The following FAM168A variants were observed in gnomAD, a reference collection of about 807,000 sequenced individuals.
FAM168A encodes the protein protein FAM168A.
A neutral mutation model predicts 28.5 loss-of-function variants in FAM168A; 3 were observed. The ratio of observed to expected loss-of-function variants is 0.11; its 90% CI spans 0.05 to 0.27. The LOEUF (loss-of-function observed/expected upper bound fraction) is 0.27, where lower values mean the gene tolerates loss of function less well. Ranked by LOEUF, FAM168A falls within the 10% of genes least tolerant of loss-of-function variation. FAM168A has a pLI of 1.00. For missense variants in FAM168A, 222 were observed against 311.5 expected (o/e 0.71, Z 2.16); for synonymous variants, 122 against 124.2 (o/e 0.98, Z 0.12).
At chr11:73,571,438 GGGTTTCGC>G (rs1944088419) in intron 1 of FAM168A, among the ~76,000 whole-genome samples, 1 of 151,936 alleles carries the variant, frequency 6.6e-6, no homozygotes, top group Non-Finnish European at 1.5e-5. Context: ...GGTGGAGACG[GGGTTTCGC>G]TGTGTTGGCC....
chr11:73,513,205 A>ATTTTTTTTTTTTTTT (rs1046600591), intron 1 of FAM168A, among the ~76,000 whole-genome samples: 3 of 109,378 alleles, frequency 2.7e-5, no homozygotes, highest in Non-Finnish European at 5.5e-5. Flanking sequence ...TTTTTTTTTA[A>ATTTTTTTTTTTTTTT]TTTTTTTTTT....
intron 1 of FAM168A, among the ~76,000 whole-genome samples, chr11:73,469,363 TCAAA>T (rs1211700852): frequency 2.6e-5 from 4 of 152,226 alleles, no homozygotes; most frequent in African/African-American, 9.6e-5. Flanking sequence ...ATCATAAAAA[TCAAA>T]CAATTCCTTC....
At chr11:73,415,151 A>G (rs1415950092) in intron 4 of FAM168A, among the ~76,000 whole-genome samples, 1 of 152,250 alleles carries the variant, frequency 6.6e-6, no homozygotes, top group East Asian at 1.9e-4. Flanking sequence ...GAAATGAGAC[A>G]CACACATACT....
At chr11:73,539,799 T>C (rs1227130121) in intron 1 of FAM168A, among the ~76,000 whole-genome samples, 2 of 152,206 alleles carry the variant, frequency 1.3e-5, no homozygotes, top group Admixed American at 1.3e-4. Flanking sequence ...TCCAGTTGTG[T>C]TGGGCTGCAA....
At chr11:73,464,991 T>C (rs1341191282) in intron 2 of FAM168A, among the ~76,000 whole-genome samples, 1 of 151,922 alleles carries the variant, frequency 6.6e-6, no homozygotes, top group African/African-American at 2.4e-5. Context: ...TGTCCCATGC[T>C]CTTTTCCCTG....
intron 1 of FAM168A, among the ~76,000 whole-genome samples, chr11:73,507,003 T>C (rs1855128915): frequency 6.6e-6 from 1 of 152,170 alleles, no homozygotes; most frequent in South Asian, 2.1e-4. Flanking sequence ...CTTAAGAGTG[T>C]TGCAAATCTT....
chr11:73,414,632 G>A (rs1317607986), intron 4 of FAM168A, among the ~76,000 whole-genome samples: 1 of 152,192 alleles, frequency 6.6e-6, no homozygotes, highest in Non-Finnish European at 1.5e-5. Flanking sequence ...ACTTCATTGT[G>A]ATAAATACAT....
chr11:73,528,448 T>C (rs1228075288), intron 1 of FAM168A, among the ~76,000 whole-genome samples: 7 of 152,176 alleles, frequency 4.6e-5, no homozygotes, highest in African/African-American at 1.4e-4. Flanking sequence ...AATATAGTAA[T>C]TAAGAAAATT....
chr11:73,412,531 A>C (rs1174137588), intron 4 of FAM168A, among the ~76,000 whole-genome samples: 1 of 152,250 alleles, frequency 6.6e-6, no homozygotes, highest in East Asian at 1.9e-4. Context: ...TTCAGGAACA[A>C]CACTGTCTCC....
intron 4 of FAM168A, among the ~76,000 whole-genome samples, chr11:73,414,399 G>A (rs748006376): frequency 1.2e-4 from 19 of 152,160 alleles, no homozygotes; most frequent in Non-Finnish European, 2.5e-4. Context: ...ATATCAAGGT[G>A]TAGAGAAACC....
chr11:73,465,117 G>GT (rs1392353565), intron 2 of FAM168A, among the ~76,000 whole-genome samples: 1 of 151,348 alleles, frequency 6.6e-6, no homozygotes. Context: ...CCAACCATCT[G>GT]TATAGGTCAT....
At chr11:73,537,671 C>A (rs758453235) in intron 1 of FAM168A, among the ~76,000 whole-genome samples, 1 of 152,194 alleles carries the variant, frequency 6.6e-6, no homozygotes, top group Non-Finnish European at 1.5e-5. Context: ...CTAAGGAAAT[C>A]AGCAGCTCAA....
At chr11:73,457,198 G>T (rs1203501987) in intron 2 of FAM168A, among the ~76,000 whole-genome samples, 1 of 151,676 alleles carries the variant, frequency 6.6e-6, no homozygotes, top group Non-Finnish European at 1.5e-5. Flanking sequence ...GATCAGCCTA[G>T]GTAACAGAGA....
At chr11:73,460,302 G>A (rs2134562630) in intron 2 of FAM168A, among the ~76,000 whole-genome samples, 1 of 152,184 alleles carries the variant, frequency 6.6e-6, no homozygotes, top group Admixed American at 6.5e-5. Flanking sequence ...CAAATCACAG[G>A]AGTCTTTTCC....
At chr11:73,584,791 A>G (rs1194927384) in intron 1 of FAM168A, among the ~76,000 whole-genome samples, 1 of 152,086 alleles carries the variant, frequency 6.6e-6, no homozygotes, top group Admixed American at 6.5e-5. Flanking sequence ...GACATTTTTA[A>G]TTGAGAAAAA....
intron 3 of FAM168A, among the ~76,000 whole-genome samples, chr11:73,422,118 A>C (rs971145445): frequency 6.6e-6 from 1 of 152,172 alleles, no homozygotes; most frequent in East Asian, 1.9e-4. Flanking sequence ...CACCGCACAC[A>C]AGGTACTTAT....
chr11:73,575,298 T>C (rs998540355), intron 1 of FAM168A, among the ~76,000 whole-genome samples: 1 of 152,178 alleles, frequency 6.6e-6, no homozygotes, highest in Non-Finnish European at 1.5e-5. Context: ...CAAGATTAAA[T>C]GACAGGAAGA....
intron 1 of FAM168A, among the ~76,000 whole-genome samples, chr11:73,503,752 A>G (rs935024242): frequency 3.9e-5 from 6 of 152,248 alleles, no homozygotes; most frequent in Admixed American, 6.5e-5. Context: ...ACAAGGCTTC[A>G]AACTATACTA....
At chr11:73,505,756 C>A (rs1451179333) in intron 1 of FAM168A, among the ~76,000 whole-genome samples, 3 of 152,078 alleles carry the variant, frequency 2.0e-5, no homozygotes, top group Non-Finnish European at 4.4e-5. Context: ...GTGTACTTCA[C>A]CATTTTATAG....
Sources: allele counts gnomAD v4.1 joint callset (sites outside exome capture counted in the v4.1 genomes callset), GRCh38; gene constraint gnomAD v4.1.1; transcripts MANE v1.5; gene names NCBI Gene and HGNC (gene_info 2026-07-23, HGNC 2026-07-21).